The following CYB5R4 variants were observed in gnomAD, a reference collection of about 807,000 sequenced individuals.
CYB5R4 encodes the protein cytochrome b5 reductase 4, also known as N-terminal cytochrome b5 and cytochrome b5 oxidoreductase domain-containing protein.
In CYB5R4, 55 loss-of-function variants were observed where a neutral mutation model predicts 70.2. That is an observed-to-expected ratio of 0.78 (90% CI 0.63 to 0.98). CYB5R4 has a LOEUF of 0.98. Among genes scored for constraint, CYB5R4 ranks in the 50% least tolerant of loss-of-function variants. The pLI, the probability that CYB5R4 is intolerant of heterozygous loss-of-function variation, is 0.00. For missense variants in CYB5R4, 562 were observed against 612.6 expected, an observed-to-expected ratio of 0.92 and a Z score of 0.87; for synonymous variants, 197 against 199.5, an observed-to-expected ratio of 0.99 and a Z score of 0.11.
intron 1 of CYB5R4, among the ~76,000 whole-genome samples, chr6:83,862,510 A>G (rs2099456115): frequency 6.6e-6 from 1 of 152,200 alleles, no homozygotes. Context: ...AGGGAAAGCA[A>G]CACTACTATA....
chr6:83,950,413 G>A (rs1192681529), intron 14 of CYB5R4, among the ~76,000 whole-genome samples: 1 of 152,058 alleles, frequency 6.6e-6, no homozygotes, highest in Non-Finnish European at 1.5e-5. Flanking sequence ...TCCCAAATAT[G>A]TGATCAGTGT....
At chr6:83,867,665 A>G (rs967609471) in intron 2 of CYB5R4, among the ~76,000 whole-genome samples, 18 of 152,216 alleles carry the variant, frequency 1.2e-4, no homozygotes, top group African/African-American at 1.9e-4. Flanking sequence ...CACGATCCCA[A>G]TGAAACTAAA....
intron 3 of CYB5R4, among the ~76,000 whole-genome samples, chr6:83,908,225 A>T (rs1022126702): frequency 6.6e-6 from 1 of 152,106 alleles, no homozygotes; most frequent in Non-Finnish European, 1.5e-5. Context: ...TTCTCAAATG[A>T]TCGGTAATAT....
chr6:83,953,492 AC>A (rs1312326180), intron 14 of CYB5R4, among the ~76,000 whole-genome samples: 165 of 152,234 alleles, frequency 1.1e-3, no homozygotes, highest in African/African-American at 3.7e-3. Context: ...AACAAAAAAA[AC>A]AAAAGCAGGA....
chr6:83,866,307 T>C (rs2099456713), intron 2 of CYB5R4, among the ~76,000 whole-genome samples: 1 of 152,164 alleles, frequency 6.6e-6, no homozygotes, highest in Admixed American at 6.5e-5. Context: ...TGATACAGGT[T>C]GAGTATCCCT....
At chr6:83,868,563 A>G (rs1415007960) in intron 2 of CYB5R4, among the ~76,000 whole-genome samples, 1 of 152,306 alleles carries the variant, frequency 6.6e-6, no homozygotes, top group Non-Finnish European at 1.5e-5. Flanking sequence ...AATTATTGTA[A>G]TGCAGTAGTA....
In CYB5R4 at chr6:83,909,008, G is replaced by A; in HGVS notation, c.331-1G>A. 6.2e-7 allele frequency: 1 copy of A among 1,613,082 alleles called. No individual in the cohort carries two copies. The highest frequency in any genetic ancestry group is 8.5e-7 in the Non-Finnish European group (1 of 1,179,214). On this transcript the variant is annotated splice_acceptor_variant, in intron 3 of 15. Transcript: ENST00000369681. LOFTEE classifies it high-confidence loss of function. ...TTTCCATCATTTGTTTTACATACCA[G>A]GTTCATCGTTGGGTCAATTATGAAT...
At chr6:83,882,524 A>C (rs747107466) in intron 2 of CYB5R4, among the ~76,000 whole-genome samples, 3 of 152,150 alleles carry the variant, frequency 2.0e-5, no homozygotes, top group African/African-American at 4.8e-5. Context: ...ACAGAATCCA[A>C]AGTTTCTACA....
rs565369665 is a variant in CYB5R4, at chr6:83,936,372, G to C, written c.1104G>C (p.Gln368His). ...GLFTPELDRL[Q>H]IGDFVSVSSP... ...TCACACCAGAGCTTGATCGTCTTCA[G>C]ATTGGTTAGTATTTTTACATTTTTT... The change falls in exon 12 of 16, where the codon CAG becomes CAC. Residue 368 changes from glutamine to histidine, a missense_variant. Transcript: ENST00000369681. The C allele has an allele frequency of 5.0e-6, 8 of 1,611,088 alleles. No homozygotes were observed. Among genetic ancestry groups the C allele is most frequent in the East Asian group, 4.5e-5 (2 of 44,788 alleles).
chr6:83,881,610 T>C (rs1461619140), intron 2 of CYB5R4, among the ~76,000 whole-genome samples: 1 of 152,254 alleles, frequency 6.6e-6, no homozygotes, highest in Non-Finnish European at 1.5e-5. Context: ...CTCCACCTTA[T>C]ACATAAGCTT....
At chr6:83,893,376 C>G in intron 2 of CYB5R4, 146 bp from the exon 3 acceptor site, 2 of 564,152 alleles carry the variant, frequency 3.5e-6, no homozygotes, top group Admixed American at 3.4e-5. Flanking sequence ...ATCTCAGATC[C>G]TTTACAGTTA....
chr6:83,955,230 G>T, intron 14 of CYB5R4, 68 bp from the exon 15 acceptor site: 1 of 1,259,472 alleles, frequency 7.9e-7, no homozygotes, highest in Non-Finnish European at 1.1e-6. Context: ...ATATATTCTT[G>T]AACTTGAAAC....
At chr6:83,880,448 C>A (rs2099459263) in intron 2 of CYB5R4, among the ~76,000 whole-genome samples, 1 of 151,908 alleles carries the variant, frequency 6.6e-6, no homozygotes, top group African/African-American at 2.4e-5. Context: ...GAAAATGAAC[C>A]CATGAAGTTG....
rs567877649 is a variant in CYB5R4, at chr6:83,876,881, T to G, written c.229+12553T>G. ...ACAGAGTCTTGCTCTGTCACCAGGC[T>G]GGAGTGCAGTGGCACGATCTTGGCT... is the stretch of plus-strand genomic sequence containing the variant. On this transcript the variant is annotated intron_variant, in intron 2 of 15. Transcript: ENST00000369681. Among the ~76,000 whole-genome samples the G allele has an allele frequency of 2.0e-5, 3 of 152,196 alleles. No individual in the cohort carries two copies. In the South Asian group the frequency reaches 6.2e-4, roughly 32 times the overall value.
chr6:83,909,008 G>C lies in CYB5R4; in HGVS notation c.331-1G>C, dbSNP rs781104726. ...TTTCCATCATTTGTTTTACATACCAGGTTCATCGTTGGGTCAATTATGAAT... is the reference window on the plus strand; with the variant it reads ...TTTCCATCATTTGTTTTACATACCACGTTCATCGTTGGGTCAATTATGAAT... On this transcript the variant is annotated splice_acceptor_variant, in intron 3 of 15. Coordinates refer to ENST00000369681, the MANE Select transcript of CYB5R4 (RefSeq NM_016230.4). LOFTEE classifies it high-confidence loss of function. 11 of 1,613,082 alleles carry C rather than the reference G, an allele frequency of 6.8e-6. No individual in the cohort carries two copies. The highest frequency in any genetic ancestry group is 9.3e-6 in the Non-Finnish European group (11 of 1,179,214).
intron 2 of CYB5R4, among the ~76,000 whole-genome samples, chr6:83,874,151 CTCCCT>C (rs1238795934): frequency 1.6e-5 from 1 of 60,856 alleles, no homozygotes; most frequent in Non-Finnish European, 3.0e-5. Context: ...TTCCCCTCCC[CTCCCT>C]TCCCCTCCCC....
intron 2 of CYB5R4, among the ~76,000 whole-genome samples, chr6:83,891,205 C>T (rs1301626794): frequency 6.6e-6 from 1 of 152,078 alleles, no homozygotes; most frequent in East Asian, 1.9e-4. Flanking sequence ...CCTCGGCCTC[C>T]CAAGCTACTG....
At chr6:83,941,228 T>G (rs2099469712) in intron 14 of CYB5R4, among the ~76,000 whole-genome samples, 2 of 152,178 alleles carry the variant, frequency 1.3e-5, no homozygotes, top group Non-Finnish European at 2.9e-5. Context: ...AAGTGAAAAC[T>G]TATTTTATTG....
chr6:83,884,220 T>C (rs2099459915), intron 2 of CYB5R4, among the ~76,000 whole-genome samples: 1 of 151,980 alleles, frequency 6.6e-6, no homozygotes, highest in South Asian at 2.1e-4. Context: ...ATAGATAATA[T>C]AGAGATTATC....
Sources: allele counts gnomAD v4.1 joint callset (sites outside exome capture counted in the v4.1 genomes callset), GRCh38; gene constraint gnomAD v4.1.1; transcripts MANE v1.5; gene names NCBI Gene and HGNC (gene_info 2026-07-23, HGNC 2026-07-21).